The following DLG2 variants were observed in gnomAD, a reference collection of about 807,000 sequenced individuals.
DLG2 encodes the protein disks large homolog 2.
Under a neutral mutation model 132.5 loss-of-function variants are expected in DLG2, and 45 were observed. The observed-to-expected ratio is 0.34, with a 90% CI of 0.27 to 0.44. The LOEUF (loss-of-function observed/expected upper bound fraction) is 0.44, where lower values mean the gene tolerates loss of function less well. Among genes scored for constraint, DLG2 ranks in the 20% least tolerant of loss-of-function variants. DLG2 has a pLI of 1.00. For synonymous variants in DLG2, 424 were observed against 419.6 expected (o/e 1.01, Z -0.13); for missense variants, 1,045 against 1,196.9 (o/e 0.87, Z 1.87).
At chr11:83,808,662 T>G (rs2046517001) in intron 17 of DLG2, among the ~76,000 whole-genome samples, 1 of 152,194 alleles carries the variant, frequency 6.6e-6, no homozygotes, top group African/African-American at 2.4e-5. Context: ...CCTCTATCTT[T>G]TCCCTTTCCA....
At chr11:84,840,643 A>T (rs2080509215) in intron 6 of DLG2, among the ~76,000 whole-genome samples, 2 of 152,172 alleles carry the variant, frequency 1.3e-5, no homozygotes, top group Non-Finnish European at 2.9e-5. Context: ...CATATACACC[A>T]TGGAATACTA....
At chr11:85,491,455 T>C (rs913315178) in intron 3 of DLG2, among the ~76,000 whole-genome samples, 1 of 151,976 alleles carries the variant, frequency 6.6e-6, no homozygotes, top group Non-Finnish European at 1.5e-5. Flanking sequence ...TCACCCAAAT[T>C]GTAAAGAAAA....
intron 4 of DLG2, among the ~76,000 whole-genome samples, chr11:85,213,943 T>C (rs902485293): frequency 1.3e-5 from 2 of 152,220 alleles, no homozygotes; most frequent in African/African-American, 4.8e-5. Context: ...CAGGTCACAT[T>C]GCCACAGGCC....
rs1444098968 is a variant in DLG2, at chr11:83,455,395, C to A, written c.*4423G>T. The A allele has an allele frequency of 6.6e-6, 1 of 152,444 alleles. No homozygotes were observed. 9.4% of individuals were successfully genotyped at this position (152,444 alleles called of 1,614,324 possible). On this transcript the variant is annotated 3_prime_UTR_variant, in exon 28 of 28. Transcript: ENST00000376104. ...TATTGAAAGGATCTAACGGGTACAG[C>A]CTGGTGCACTCAGAAGTTAAGAAAC...
chr11:84,439,765 G>A (rs772554169), intron 7 of DLG2, among the ~76,000 whole-genome samples: 3 of 152,134 alleles, frequency 2.0e-5, no homozygotes, highest in African/African-American at 2.4e-5. Flanking sequence ...AGTTAAAAGT[G>A]TATTCAACTA....
At chr11:84,316,916 A>G in intron 7 of DLG2, 1 of 1,612,620 alleles carries the variant, frequency 6.2e-7, no homozygotes, top group Non-Finnish European at 8.5e-7. Context: ...GCTTTTCCGC[A>G]CACTGTCCCA....
At chr11:84,576,735 T>G (rs1209425925) in intron 6 of DLG2, among the ~76,000 whole-genome samples, 1 of 152,226 alleles carries the variant, frequency 6.6e-6, no homozygotes, top group East Asian at 1.9e-4. Flanking sequence ...AATTTATTTA[T>G]TAGGTAGTTT....
chr11:84,570,251 T>C (rs78232443), intron 6 of DLG2, among the ~76,000 whole-genome samples: 3,016 of 152,270 alleles, frequency 0.02, 97 homozygotes, highest in African/African-American at 0.068. Context: ...ATTGATTGTG[T>C]TGTCCTCTGC....
At chr11:83,933,570 T>A (rs1246615707) in intron 14 of DLG2, among the ~76,000 whole-genome samples, 1 of 152,228 alleles carries the variant, frequency 6.6e-6, no homozygotes, top group African/African-American at 2.4e-5. Context: ...TTCTCTGAAC[T>A]CCATTAGCAC....
chr11:84,796,683 T>G (rs180822794), intron 6 of DLG2, among the ~76,000 whole-genome samples: 1 of 130,068 alleles, frequency 7.7e-6, no homozygotes, highest in African/African-American at 2.5e-5. Flanking sequence ...TAGGGTAATT[T>G]TTTTCCCCCT....
intron 18 of DLG2, among the ~76,000 whole-genome samples, chr11:83,656,751 T>C (rs544190907): frequency 6.6e-6 from 1 of 152,326 alleles, no homozygotes; most frequent in Admixed American, 6.5e-5. Context: ...ATATCACTAA[T>C]GAATTAAAAT....
At chr11:83,572,044 G>T (rs1261610548) in intron 19 of DLG2, among the ~76,000 whole-genome samples, 1 of 151,888 alleles carries the variant, frequency 6.6e-6, no homozygotes, top group Non-Finnish European at 1.5e-5. Flanking sequence ...TATACTAAAA[G>T]AATAATGTTT....
At position 85,322,507 on chromosome 11, in the gene DLG2, T is replaced by A. The variant is rs514903; in HGVS notation, c.41-37142A>T. Among the ~76,000 whole-genome samples the A allele has an allele frequency of 2.0e-4, 30 of 151,978 alleles. No individual in the cohort carries two copies. The South Asian group carries it at 6.2e-3, about 31-fold the overall frequency. ...ATCAACCTCAGATTAGTGACTAATA[T>A]CAGCTGATATTGCTTCCCTATGTAG... On this transcript the variant is annotated intron_variant, in intron 3 of 27. Coordinates refer to ENST00000376104, the MANE Select transcript of DLG2 (RefSeq NM_001142699.3).
At chr11:85,220,463 G>T (rs2074559365) in intron 4 of DLG2, among the ~76,000 whole-genome samples, 1 of 151,956 alleles carries the variant, frequency 6.6e-6, no homozygotes, top group Non-Finnish European at 1.5e-5. Flanking sequence ...AAAGATAAGA[G>T]AGCAGTAGGA....
intron 6 of DLG2, among the ~76,000 whole-genome samples, chr11:84,828,890 A>C (rs1011308151): frequency 1.1e-4 from 17 of 151,752 alleles, no homozygotes; most frequent in Admixed American, 1.1e-3. Flanking sequence ...AAATGGCAGG[A>C]CAGTCCCTAT....
intron 11 of DLG2, among the ~76,000 whole-genome samples, chr11:84,020,635 G>A (rs1470446101): frequency 6.6e-6 from 1 of 152,176 alleles, no homozygotes; most frequent in Non-Finnish European, 1.5e-5. Flanking sequence ...GAAGTCATAA[G>A]AGTTATTTCT....
At chr11:85,547,099 C>T (rs997855121) in intron 3 of DLG2, among the ~76,000 whole-genome samples, 9 of 152,106 alleles carry the variant, frequency 5.9e-5, no homozygotes, top group Non-Finnish European at 1.3e-4. Context: ...TTCATAGCGT[C>T]GATGGTCTTT....
chr11:83,803,336 C>T (rs2045023502), intron 17 of DLG2, among the ~76,000 whole-genome samples: 1 of 151,962 alleles, frequency 6.6e-6, no homozygotes. Context: ...GTTAAAATGT[C>T]CAAGTCAGGA....
At chr11:84,504,626 T>C (rs1370952349) in intron 7 of DLG2, among the ~76,000 whole-genome samples, 2 of 58,266 alleles carry the variant, frequency 3.4e-5, no homozygotes, top group Non-Finnish European at 3.5e-5. Context: ...AAGTAAGAAA[T>C]TGTGTAATTT....
Sources: gnomAD v4.1 joint callset for allele counts (sites outside exome capture counted in the v4.1 genomes callset) on GRCh38, gnomAD v4.1.1 for gene constraint, MANE v1.5 for transcripts, NCBI Gene and HGNC (gene_info 2026-07-23, HGNC 2026-07-21) for gene names.